The following ARHGAP42 variants were observed in gnomAD, a reference collection of about 807,000 sequenced individuals.
ARHGAP42 encodes the protein rho GTPase-activating protein 42.
In ARHGAP42, 63 loss-of-function variants were observed where a neutral mutation model predicts 125.0. The ratio of observed to expected loss-of-function variants is 0.50; its 90% CI spans 0.41 to 0.62. ARHGAP42 has a LOEUF of 0.62. ARHGAP42 is among the 20% of genes least tolerant of loss of function. The pLI is 0.00. For synonymous variants in ARHGAP42, 339 were observed against 351.0 expected (o/e 0.97, Z 0.38); for missense variants, 766 against 1,024.2 (o/e 0.75, Z 3.44).
intron 22 of ARHGAP42, among the ~76,000 whole-genome samples, chr11:100,982,445 A>T (rs1021050554): frequency 4.6e-5 from 7 of 152,124 alleles, no homozygotes; most frequent in Non-Finnish European, 1.0e-4. Flanking sequence ...AAGTTTGAGA[A>T]CCTTTGGAAT....
chr11:100,979,936 T>G (rs1210286545), intron 22 of ARHGAP42, among the ~76,000 whole-genome samples: 1 of 152,210 alleles, frequency 6.6e-6, no homozygotes, highest in Non-Finnish European at 1.5e-5. Context: ...CCAAATAATT[T>G]TTATCAACCT....
intron 3 of ARHGAP42, among the ~76,000 whole-genome samples, chr11:100,835,208 A>G (rs1864757234): frequency 6.6e-6 from 1 of 152,070 alleles, no homozygotes; most frequent in Admixed American, 6.6e-5. Flanking sequence ...GTGGTATGTT[A>G]CTCAAGGTTG....
At chr11:100,988,534 C>T (rs1416008981) in intron 23 of ARHGAP42, among the ~76,000 whole-genome samples, 179 bp from the exon 24 acceptor site, 1 of 152,108 alleles carries the variant, frequency 6.6e-6, no homozygotes, top group Non-Finnish European at 1.5e-5. Context: ...GCAAATATTA[C>T]ATCATTTTAT....
Position 100,916,009 on chromosome 11 carries a change from A to G in ARHGAP42, c.486+2456A>G, listed in dbSNP as rs568431026. 2.6e-5 allele frequency among the ~76,000 whole-genome samples: 4 copies of G among 152,292 alleles called. No homozygotes were observed. The East Asian group carries it at 7.7e-4, about 29-fold the overall frequency. On this transcript the variant is annotated intron_variant, in intron 5 of 23. Coordinates refer to ENST00000298815, the MANE Select transcript of ARHGAP42 (RefSeq NM_152432.4). ...GCACCAAGCTTATTAACTTGTTCTC[A>G]AAAAGGCTCCTCTGTGCCTTCCTAC...
intron 1 of ARHGAP42, among the ~76,000 whole-genome samples, chr11:100,761,761 T>C (rs1359636849): frequency 6.6e-6 from 1 of 152,236 alleles, no homozygotes; most frequent in Non-Finnish European, 1.5e-5. Flanking sequence ...AATGAAAATA[T>C]TTCATATTCT....
chr11:100,960,049 A>G (rs6590830), intron 13 of ARHGAP42, 104 bp downstream of exon 13: 567,136 of 1,003,274 alleles, frequency 0.57, 166,496 homozygotes, highest in African/African-American at 0.68. Context: ...GGTCATTAAC[A>G]TGGATTAATT....
intron 1 of ARHGAP42, among the ~76,000 whole-genome samples, chr11:100,763,012 T>C (rs1862745284): frequency 7.0e-6 from 1 of 142,704 alleles, no homozygotes; most frequent in Non-Finnish European, 1.5e-5. Context: ...GGAGTTTTGC[T>C]GTTGTTGCCC....
intron 16 of ARHGAP42, among the ~76,000 whole-genome samples, chr11:100,963,619 C>T (rs184188983): frequency 9.9e-5 from 15 of 152,118 alleles, no homozygotes; most frequent in Middle Eastern, 3.4e-3. Flanking sequence ...ACCACATGAT[C>T]TCATATAAAT....
At chr11:100,719,881 G>A (rs1861730935) in intron 1 of ARHGAP42, among the ~76,000 whole-genome samples, 1 of 152,180 alleles carries the variant, frequency 6.6e-6, no homozygotes, top group African/African-American at 2.4e-5. Context: ...TTAGCAGCAA[G>A]GCTATTTACT....
At chr11:100,694,418 G>A (rs1045199319) in intron 1 of ARHGAP42, among the ~76,000 whole-genome samples, 11 of 151,970 alleles carry the variant, frequency 7.2e-5, no homozygotes, top group African/African-American at 1.7e-4. Context: ...TGAAGGAAAG[G>A]GGGGTTATTT....
chr11:100,872,393 G>A (rs1011319163), intron 4 of ARHGAP42, among the ~76,000 whole-genome samples: 9 of 151,656 alleles, frequency 5.9e-5, no homozygotes, highest in Non-Finnish European at 1.3e-4. Flanking sequence ...AGTTTTTGTT[G>A]TTGTTGTTGT....
intron 1 of ARHGAP42, among the ~76,000 whole-genome samples, chr11:100,741,670 C>A (rs1439679831): frequency 6.6e-6 from 1 of 152,154 alleles, no homozygotes; most frequent in Non-Finnish European, 1.5e-5. Context: ...AGAGGACATG[C>A]GTTACTTAGA....
At chr11:100,973,558 A>T (rs1013758765) in intron 18 of ARHGAP42, among the ~76,000 whole-genome samples, 1 of 152,156 alleles carries the variant, frequency 6.6e-6, no homozygotes, top group East Asian at 1.9e-4. Flanking sequence ...TTTACATTGT[A>T]TGGTAAGTTT....
intron 1 of ARHGAP42, among the ~76,000 whole-genome samples, chr11:100,705,527 T>C (rs990428512): frequency 2.0e-5 from 3 of 152,198 alleles, no homozygotes; most frequent in Admixed American, 6.5e-5. Context: ...AGATAACACA[T>C]GTAAAGTATC....
chr11:100,912,868 A>G (rs1489487855), intron 4 of ARHGAP42, among the ~76,000 whole-genome samples: 2 of 152,168 alleles, frequency 1.3e-5, no homozygotes, highest in Non-Finnish European at 2.9e-5. Context: ...TTCGACTTCA[A>G]ATTTTCTTAT....
intron 5 of ARHGAP42, among the ~76,000 whole-genome samples, chr11:100,921,224 TATATATATATATATATATATA>T (rs1164777588): frequency 1.2e-5 from 1 of 83,660 alleles, no homozygotes; most frequent in African/African-American, 4.6e-5. Flanking sequence ...CATATATATA[TATATATATATATATATATATA>T]TTTTTTTTTT....
intron 3 of ARHGAP42, among the ~76,000 whole-genome samples, chr11:100,808,274 T>A (rs1478924842): frequency 6.6e-6 from 1 of 152,194 alleles, no homozygotes; most frequent in Non-Finnish European, 1.5e-5. Flanking sequence ...ATAGAGTATA[T>A]TTATGCACTA....
chr11:100,899,734 G>GTTTTT (rs1439404512), intron 4 of ARHGAP42, among the ~76,000 whole-genome samples: 1 of 63,796 alleles, frequency 1.6e-5, no homozygotes, highest in Non-Finnish European at 3.1e-5. Flanking sequence ...TTTTTTTTTT[G>GTTTTT]TTTTTTTTTG....
At chr11:100,730,447 T>C (rs1305259359) in intron 1 of ARHGAP42, among the ~76,000 whole-genome samples, 3 of 152,238 alleles carry the variant, frequency 2.0e-5, no homozygotes, top group African/African-American at 7.2e-5. Context: ...GAATGACCTC[T>C]TTAGGCTGAA....
Sources: gnomAD v4.1 joint callset for allele counts (sites outside exome capture counted in the v4.1 genomes callset) on GRCh38, gnomAD v4.1.1 for gene constraint, MANE v1.5 for transcripts, NCBI Gene and HGNC (gene_info 2026-07-23, HGNC 2026-07-21) for gene names.